POU6F2: variants seen among roughly 807,000 people sequenced by gnomAD.
POU6F2 encodes POU class 6 homeobox 2.
Under a neutral mutation model 71.3 loss-of-function variants are expected in POU6F2, and 31 were observed. That is an observed-to-expected ratio of 0.43 (90% confidence interval 0.33 to 0.59). The LOEUF (loss-of-function observed/expected upper bound fraction) is 0.59, where lower values mean the gene tolerates loss of function less well. Ranked by LOEUF, POU6F2 falls within the 20% of genes least tolerant of loss-of-function variation. POU6F2 has a pLI of 0.04. For synonymous variants in POU6F2, 347 were observed against 355.7 expected, an observed-to-expected ratio of 0.98 and a Z score of 0.27; for missense variants, 783 against 856.8, an observed-to-expected ratio of 0.91 and a Z score of 1.07.
intron 2 of POU6F2, among the ~76,000 whole-genome samples, chr7:39,198,956 GT>G (rs371717731): frequency 6.6e-6 from 1 of 152,354 alleles, no homozygotes; most frequent in African/African-American, 2.4e-5. Context: ...CTTAGAATAA[GT>G]AACCTTTGTG....
intron 2 of POU6F2, among the ~76,000 whole-genome samples, chr7:39,113,223 G>T (rs776863506): frequency 6.6e-6 from 1 of 151,898 alleles, no homozygotes. Context: ...TGTTTTTTTC[G>T]TTCTGTTTTA....
chr7:39,263,006 A>C (rs1249817731), intron 4 of POU6F2, among the ~76,000 whole-genome samples: 1 of 152,206 alleles, frequency 6.6e-6, no homozygotes, highest in Non-Finnish European at 1.5e-5. Context: ...AGATCACGTT[A>C]AAGATGATTG....
At chr7:39,377,634 T>TC (rs1031274495) in intron 5 of POU6F2, among the ~76,000 whole-genome samples, 10 of 151,982 alleles carry the variant, frequency 6.6e-5, no homozygotes, top group Admixed American at 1.3e-4. Context: ...AGCTCCCTGC[T>TC]CCCCCCTCGC....
At chr7:39,341,480 A>G (rs1213896955) in intron 5 of POU6F2, among the ~76,000 whole-genome samples, 1 of 152,222 alleles carries the variant, frequency 6.6e-6, no homozygotes, top group African/African-American at 2.4e-5. Context: ...AGCAGGTGTC[A>G]TCAAATTTAC....
At chr7:39,214,534 G>A (rs567623021) in intron 4 of POU6F2, among the ~76,000 whole-genome samples, 4 of 152,290 alleles carry the variant, frequency 2.6e-5, no homozygotes, top group South Asian at 2.1e-4. Flanking sequence ...TGCTGTAGAG[G>A]AGAATCTCTG....
chr7:39,316,527 C>T (rs1360660294), intron 4 of POU6F2, among the ~76,000 whole-genome samples: 1 of 152,136 alleles, frequency 6.6e-6, no homozygotes, highest in African/African-American at 2.4e-5. Flanking sequence ...GTGAGTGAGT[C>T]TCACCACCAC....
At chr7:39,294,589 C>T (rs1176254933) in intron 4 of POU6F2, among the ~76,000 whole-genome samples, 1 of 151,798 alleles carries the variant, frequency 6.6e-6, no homozygotes, top group Non-Finnish European at 1.5e-5. Context: ...AAACAGAGTC[C>T]ATCTTACCTT....
intron 2 of POU6F2, among the ~76,000 whole-genome samples, chr7:39,125,985 T>C (rs1792130822): frequency 6.6e-6 from 1 of 152,234 alleles, no homozygotes; most frequent in African/African-American, 2.4e-5. Context: ...ATGGTGCCTG[T>C]CTCTCCCATG....
intron 2 of POU6F2, among the ~76,000 whole-genome samples, chr7:39,164,856 C>A (rs1326044218): frequency 1.3e-5 from 2 of 152,090 alleles, no homozygotes; most frequent in Non-Finnish European, 2.9e-5. Flanking sequence ...AGATGCTGAT[C>A]CTCTCCAGTA....
At chr7:39,405,770 G>A (rs1787410667) in intron 5 of POU6F2, among the ~76,000 whole-genome samples, 1 of 152,174 alleles carries the variant, frequency 6.6e-6, no homozygotes. Flanking sequence ...GGAGAATATT[G>A]AATTGGTCTC....
chr7:39,176,079 T>C, intron 2 of POU6F2, among the ~76,000 whole-genome samples: 1 of 152,226 alleles, frequency 6.6e-6, no homozygotes, highest in Non-Finnish European at 1.5e-5. Flanking sequence ...CCTTTGTAAC[T>C]TTCAAGTGCT....
intron 1 of POU6F2, among the ~76,000 whole-genome samples, chr7:39,007,652 A>G (rs978482894): frequency 3.3e-5 from 5 of 152,128 alleles, no homozygotes; most frequent in Non-Finnish European, 7.3e-5. Context: ...CATTAGGTAT[A>G]TACCCCAATG....
intron 9 of POU6F2, among the ~76,000 whole-genome samples, chr7:39,461,304 C>A (rs1467166745): frequency 6.6e-6 from 1 of 152,188 alleles, no homozygotes; most frequent in Non-Finnish European, 1.5e-5. Flanking sequence ...TCTGGCCTAA[C>A]CTTGCTCATC....
chr7:39,301,306 T>C (rs779471572), intron 4 of POU6F2, among the ~76,000 whole-genome samples: 1 of 152,228 alleles, frequency 6.6e-6, no homozygotes, highest in African/African-American at 2.4e-5. Context: ...TATTCCCCTG[T>C]AGGATCTGTC....
In POU6F2 at chr7:39,467,861, G is replaced by C. The variant is rs1789109170; in HGVS notation, c.*3175G>C. 1 of 152,002 alleles carries C rather than the reference G, an allele frequency of 6.6e-6. No homozygotes were observed. The allele number at this position is 152,002 out of a possible 1,614,324, so 9.4% of individuals were successfully genotyped here. On this transcript the variant is annotated 3_prime_UTR_variant, in exon 10 of 10. Coordinates refer to ENST00000518318, the MANE Select transcript of POU6F2 (RefSeq NM_001370959.1). ...TGCCTTTGCTCGTTTCTCTACGCTGGACCAAAGCTCAATATTTGTAGGTAT... is the reference window on the plus strand; with the variant it reads ...TGCCTTTGCTCGTTTCTCTACGCTGCACCAAAGCTCAATATTTGTAGGTAT...
At chr7:39,159,755 G>A (rs1359723553) in intron 2 of POU6F2, among the ~76,000 whole-genome samples, 2 of 151,894 alleles carry the variant, frequency 1.3e-5, no homozygotes, top group South Asian at 4.1e-4. Context: ...AGGGAGGGAA[G>A]AAGTAAATAG....
chr7:39,418,712 A>T (rs1369859971), intron 6 of POU6F2, among the ~76,000 whole-genome samples: 1 of 151,112 alleles, frequency 6.6e-6, no homozygotes, highest in East Asian at 1.9e-4. Context: ...AGAAAAAGAA[A>T]GAAAAGTTAA....
chr7:39,300,375 C>A (rs772752948), intron 4 of POU6F2, among the ~76,000 whole-genome samples: 1 of 152,032 alleles, frequency 6.6e-6, no homozygotes, highest in Non-Finnish European at 1.5e-5. Flanking sequence ...TGATAGGGAC[C>A]TTAGGAAGGT....
At chr7:39,337,395 CAG>C (rs1785801749) in intron 4 of POU6F2, among the ~76,000 whole-genome samples, 1 of 152,084 alleles carries the variant, frequency 6.6e-6, no homozygotes, top group Admixed American at 6.5e-5. Context: ...AGTAACAAGA[CAG>C]AGAGGAAACC....
Sources: allele counts gnomAD v4.1 joint callset (sites outside exome capture counted in the v4.1 genomes callset), GRCh38; gene constraint gnomAD v4.1.1; transcripts MANE v1.5; gene names NCBI Gene and HGNC (gene_info 2026-07-23, HGNC 2026-07-21).